Variants in THRB observed in about 807,000 individuals in gnomAD.
The protein encoded by THRB is nuclear receptor subfamily 1 group A member 2.
THRB carries 12 observed loss-of-function variants against 47.8 expected under a neutral mutation model. That is an observed-to-expected ratio of 0.25 (90% CI 0.16 to 0.41). The LOEUF (loss-of-function observed/expected upper bound fraction) is 0.41, where lower values mean the gene tolerates loss of function less well. Among genes scored for constraint, THRB ranks in the 10% least tolerant of loss-of-function variants. THRB has a pLI of 1.00. For missense variants in THRB, 348 were observed against 589.2 expected, an observed-to-expected ratio of 0.59 and a Z score of 4.24; for synonymous variants, 218 against 212.2, an observed-to-expected ratio of 1.03 and a Z score of -0.24.
intron 3 of THRB, among the ~76,000 whole-genome samples, chr3:24,246,957 AC>A (rs1377460493): frequency 6.6e-6 from 1 of 152,224 alleles, no homozygotes; most frequent in African/African-American, 2.4e-5. Flanking sequence ...TAATTTGAAA[AC>A]AAAGATTACC....
At chr3:24,129,240 C>CTGAT (rs752084738) in intron 9 of THRB, among the ~76,000 whole-genome samples, 14 of 152,292 alleles carry the variant, frequency 9.2e-5, no homozygotes, top group African/African-American at 3.4e-4. Flanking sequence ...TGTCTAGGTT[C>CTGAT]TGATTGTTAA....
chr3:24,376,054 T>C (rs1472908095), intron 1 of THRB, among the ~76,000 whole-genome samples: 1 of 152,176 alleles, frequency 6.6e-6, no homozygotes, highest in African/African-American at 2.4e-5. Context: ...AAACTTTCTG[T>C]AAATATGAAG....
At chr3:24,314,266 C>T (rs942771673) in intron 2 of THRB, among the ~76,000 whole-genome samples, 10 of 152,286 alleles carry the variant, frequency 6.6e-5, no homozygotes, top group Non-Finnish European at 1.3e-4. Context: ...TTTTTCTACA[C>T]AATTATTCAT....
intron 2 of THRB, among the ~76,000 whole-genome samples, chr3:24,328,289 T>C (rs1161829427): frequency 6.6e-6 from 1 of 152,220 alleles, no homozygotes; most frequent in Admixed American, 6.5e-5. Flanking sequence ...AATGTATATA[T>C]AAGTATATTT....
chr3:24,428,421 T>A (rs954965879), intron 1 of THRB, among the ~76,000 whole-genome samples: 2 of 152,042 alleles, frequency 1.3e-5, no homozygotes, highest in African/African-American at 2.4e-5. Context: ...TTGCAAGTGA[T>A]CAAGCCTGTC....
intron 1 of THRB, among the ~76,000 whole-genome samples, chr3:24,431,757 A>T (rs182491063): frequency 3.0e-4 from 45 of 152,218 alleles, no homozygotes; most frequent in African/African-American, 9.1e-4. Flanking sequence ...GTCTACACAG[A>T]CTACACAGAA....
At chr3:24,428,708 C>T (rs551389494) in intron 1 of THRB, among the ~76,000 whole-genome samples, 71 of 142,532 alleles carry the variant, frequency 5.0e-4, no homozygotes, top group Admixed American at 1.5e-3. Context: ...AAAGGCTAGA[C>T]CCACAGCTTG....
At chr3:24,389,173 T>A (rs184930414) in intron 1 of THRB, among the ~76,000 whole-genome samples, 1 of 152,128 alleles carries the variant, frequency 6.6e-6, no homozygotes, top group African/African-American at 2.4e-5. Context: ...ATACAGATTT[T>A]TGGAGTGGTT....
chr3:24,143,965 T>C (rs2035777938), intron 7 of THRB: 4 of 534,350 alleles, frequency 7.5e-6, no homozygotes, highest in Non-Finnish European at 1.4e-5. Flanking sequence ...ACCTAGACAC[T>C]GCGCACTCCA....
chr3:24,409,008 G>T (rs1323981600), intron 1 of THRB, among the ~76,000 whole-genome samples: 1 of 151,710 alleles, frequency 6.6e-6, no homozygotes, highest in African/African-American at 2.4e-5. Flanking sequence ...CATTCTTATG[G>T]TTTATGAGGT....
chr3:24,128,004 C>T (rs1575269123), intron 9 of THRB, among the ~76,000 whole-genome samples: 1 of 152,194 alleles, frequency 6.6e-6, no homozygotes, highest in South Asian at 2.1e-4. Context: ...ATGACAGACA[C>T]AGTTCTCCAA....
At chr3:24,148,516 C>T (rs1450296695) in intron 6 of THRB, among the ~76,000 whole-genome samples, 1 of 152,232 alleles carries the variant, frequency 6.6e-6, no homozygotes, top group African/African-American at 2.4e-5. Flanking sequence ...TCTGCCTCCG[C>T]CTCCCAAAGT....
chr3:24,131,436 C>T, intron 9 of THRB, among the ~76,000 whole-genome samples: 1 of 152,140 alleles, frequency 6.6e-6, no homozygotes, highest in Non-Finnish European at 1.5e-5. Flanking sequence ...AGTCAAAGTC[C>T]CTTCCTCAGT....
At chr3:24,279,542 G>A (rs1213472917) in intron 3 of THRB, among the ~76,000 whole-genome samples, 1 of 146,024 alleles carries the variant, frequency 6.8e-6, no homozygotes, top group Non-Finnish European at 1.5e-5. Flanking sequence ...CCGCCACCAC[G>A]GCTGGCTAAT....
chr3:24,242,621 C>T (rs553056047), intron 3 of THRB, among the ~76,000 whole-genome samples: 2 of 152,296 alleles, frequency 1.3e-5, no homozygotes, highest in Admixed American at 6.5e-5. Flanking sequence ...TTGCACAATG[C>T]CTGGCACACT....
chr3:24,226,139 T>A (rs2150057300), intron 4 of THRB, among the ~76,000 whole-genome samples: 1 of 152,342 alleles, frequency 6.6e-6, no homozygotes, highest in Admixed American at 6.5e-5. Context: ...TAACTACTGA[T>A]CATCTAAAAA....
At chr3:24,440,533 T>C in intron 1 of THRB, among the ~76,000 whole-genome samples, 1 of 152,268 alleles carries the variant, frequency 6.6e-6, no homozygotes, top group Middle Eastern at 3.4e-3. Context: ...AAATAAATTA[T>C]AAAATATTTG....
At chr3:24,310,118 T>C (rs2057649129) in intron 2 of THRB, among the ~76,000 whole-genome samples, 2 of 152,202 alleles carry the variant, frequency 1.3e-5, no homozygotes, top group Admixed American at 6.5e-5. Flanking sequence ...AAAATGTTTC[T>C]CTGTGTGCTT....
intron 1 of THRB, among the ~76,000 whole-genome samples, chr3:24,440,845 A>G (rs1328424518): frequency 6.6e-6 from 1 of 152,186 alleles, no homozygotes; most frequent in Non-Finnish European, 1.5e-5. Context: ...CTAAATGACT[A>G]AATTAGTTAT....
Sources: gnomAD v4.1 joint callset for allele counts (sites outside exome capture counted in the v4.1 genomes callset) on GRCh38, gnomAD v4.1.1 for gene constraint, MANE v1.5 for transcripts, NCBI Gene and HGNC (gene_info 2026-07-23, HGNC 2026-07-21) for gene names.